Variants in NUBPL observed in about 807,000 individuals in gnomAD.
NUBPL encodes the protein iron-sulfur cluster transfer protein NUBPL.
In NUBPL, 31 loss-of-function variants were observed where a neutral mutation model predicts 45.7. That is an observed-to-expected ratio of 0.68 (90% confidence interval 0.51 to 0.92). The LOEUF (loss-of-function observed/expected upper bound fraction) is 0.92. NUBPL is among the 40% of genes least tolerant of loss of function. NUBPL has a pLI of 0.00. For missense variants in NUBPL, 401 were observed against 398.7 expected, an observed-to-expected ratio of 1.01 and a Z score of -0.05; for synonymous variants, 144 against 140.9, an observed-to-expected ratio of 1.02 and a Z score of -0.15.
At chr14:31,659,585 A>T (rs1022435119) in intron 4 of NUBPL, among the ~76,000 whole-genome samples, 1 of 152,192 alleles carries the variant, frequency 6.6e-6, no homozygotes, top group African/African-American at 2.4e-5. Flanking sequence ...TTTCTAATAT[A>T]AGATGGCAAG....
rs1407146865 is a variant in NUBPL, at chr14:31,757,225, T to G, written c.514-30555T>G. On this transcript the variant is annotated intron_variant, in intron 6 of 10. Transcript: ENST00000281081. ...ATGATGCTGGCCTCATAAAATGAGT[T>G]AGGGAGGATTCCCTCTTTTTCTGTT... Among the ~76,000 whole-genome samples, 4 of 128,652 alleles carry G rather than the reference T, an allele frequency of 3.1e-5. 1 individual carries two copies. In the East Asian group the frequency reaches 1.1e-3, roughly 34 times the overall value. The allele number at this position is 128,652 out of a possible 152,430, so 84.4% of individuals were successfully genotyped here.
At chr14:31,815,257 C>T (rs2039892736) in intron 7 of NUBPL, among the ~76,000 whole-genome samples, 1 of 152,000 alleles carries the variant, frequency 6.6e-6, no homozygotes, top group African/African-American at 2.4e-5. Flanking sequence ...TCCTTCACAT[C>T]CCTTGTAAAT....
chr14:31,753,336 A>G (rs144180822), intron 6 of NUBPL, among the ~76,000 whole-genome samples: 4,569 of 152,122 alleles, frequency 0.03, 97 homozygotes, highest in Non-Finnish European at 0.049. Flanking sequence ...CTGTTGATCA[A>G]AGAAATGGGG....
chr14:31,733,186 G>A (rs756775525), intron 6 of NUBPL, among the ~76,000 whole-genome samples: 3 of 152,092 alleles, frequency 2.0e-5, no homozygotes, highest in African/African-American at 7.2e-5. Flanking sequence ...TATATAGATA[G>A]GTAGGTAGGT....
intron 6 of NUBPL, among the ~76,000 whole-genome samples, chr14:31,755,605 G>T (rs1162228193): frequency 2.0e-5 from 3 of 151,560 alleles, no homozygotes; most frequent in Middle Eastern, 3.2e-3. Context: ...TTAGCCCTTT[G>T]TCAGATGAGT....
chr14:31,860,975 A>G lies in NUBPL; in HGVS notation c.*1795A>G. 1 of 152,208 alleles carries G rather than the reference A, an allele frequency of 6.6e-6. No homozygotes were observed. The highest frequency in any genetic ancestry group is 1.5e-5 in the Non-Finnish European group (1 of 68,030). The allele number at this position is 152,208 out of a possible 1,614,324, so 9.4% of individuals were successfully genotyped here. A position where few individuals can be genotyped will look rare whatever the true frequency, so the allele number is the denominator to read the frequency against. On this transcript the variant is annotated 3_prime_UTR_variant, in exon 11 of 11. Coordinates refer to ENST00000281081, the MANE Select transcript of NUBPL (RefSeq NM_025152.3). ...AGAACAGATTAGTGGTGGCTGTGTT[A>G]AGGAGGGGGTGAGGATGGGAGAGAA...
intron 4 of NUBPL, among the ~76,000 whole-genome samples, chr14:31,608,635 C>G (rs184797214): frequency 6.6e-6 from 1 of 152,066 alleles, no homozygotes; most frequent in Non-Finnish European, 1.5e-5. Context: ...AAAACTCACT[C>G]GTAATAGTAA....
At chr14:31,804,260 A>G (rs1262187825) in intron 7 of NUBPL, among the ~76,000 whole-genome samples, 4 of 152,234 alleles carry the variant, frequency 2.6e-5, no homozygotes, top group Non-Finnish European at 5.9e-5. Flanking sequence ...TGAACAGAAT[A>G]TTTATATTGT....
intron 4 of NUBPL, among the ~76,000 whole-genome samples, chr14:31,666,263 A>ATATATATATATATATAT: frequency 6.3e-5 from 7 of 111,868 alleles, no homozygotes; most frequent in Non-Finnish European, 1.1e-4. Context: ...ATATATATAT[A>ATATATATATATATATAT]ATTTTATTTT....
chr14:31,782,713 G>A (rs966759965), intron 6 of NUBPL, among the ~76,000 whole-genome samples: 4 of 151,818 alleles, frequency 2.6e-5, no homozygotes, highest in East Asian at 3.9e-4. Flanking sequence ...TTTGAACCTG[G>A]GAGACGAGGT....
intron 6 of NUBPL, among the ~76,000 whole-genome samples, chr14:31,753,138 G>A (rs1203722849): frequency 6.6e-6 from 1 of 152,202 alleles, no homozygotes; most frequent in Non-Finnish European, 1.5e-5. Flanking sequence ...GTAGCCTAGT[G>A]GTTTATGGAA....
chr14:31,604,945 G>C (rs189380147), intron 4 of NUBPL, among the ~76,000 whole-genome samples: 1 of 152,152 alleles, frequency 6.6e-6, no homozygotes, highest in Admixed American at 6.5e-5. Flanking sequence ...TAGCCAGTTT[G>C]TAGAAAGGGC....
At chr14:31,755,650 C>T (rs1290161955) in intron 6 of NUBPL, among the ~76,000 whole-genome samples, 2 of 152,026 alleles carry the variant, frequency 1.3e-5, no homozygotes, top group African/African-American at 4.8e-5. Context: ...TTGTAGGTTG[C>T]CTGTTCACTC....
intron 3 of NUBPL, among the ~76,000 whole-genome samples, chr14:31,581,295 G>A (rs2033857781): frequency 6.8e-6 from 1 of 147,570 alleles, no homozygotes; most frequent in Non-Finnish European, 1.5e-5. Flanking sequence ...GTGGCCTTAA[G>A]TACATTAACG....
chr14:31,636,812 G>A (rs938909703), intron 4 of NUBPL, among the ~76,000 whole-genome samples: 1 of 152,162 alleles, frequency 6.6e-6, no homozygotes, highest in Non-Finnish European at 1.5e-5. Flanking sequence ...TCCTGGTTTA[G>A]TCTTGGGAGA....
At chr14:31,760,771 A>T (rs78656949) in intron 6 of NUBPL, among the ~76,000 whole-genome samples, 17 of 152,174 alleles carry the variant, frequency 1.1e-4, no homozygotes, top group Admixed American at 1.0e-3. Flanking sequence ...TTGATTAAAA[A>T]ATTACAGTTT....
intron 7 of NUBPL, among the ~76,000 whole-genome samples, chr14:31,802,805 CCCTG>C (rs2039618238): frequency 6.6e-6 from 1 of 152,134 alleles, no homozygotes; most frequent in Non-Finnish European, 1.5e-5. Flanking sequence ...CCTATCTGGG[CCCTG>C]CTGATAGAAG....
chr14:31,762,195 T>C (rs913989059), intron 6 of NUBPL, among the ~76,000 whole-genome samples: 2 of 152,202 alleles, frequency 1.3e-5, no homozygotes, highest in African/African-American at 4.8e-5. Flanking sequence ...TGTTGTAACT[T>C]GAGTATTGTG....
At chr14:31,753,496 C>G (rs1031063307) in intron 6 of NUBPL, among the ~76,000 whole-genome samples, 3 of 152,026 alleles carry the variant, frequency 2.0e-5, no homozygotes, top group Non-Finnish European at 4.4e-5. Context: ...TCCCATGGGT[C>G]TAGCTGAAGT....
Sources: gnomAD v4.1 joint callset for allele counts (sites outside exome capture counted in the v4.1 genomes callset) on GRCh38, gnomAD v4.1.1 for gene constraint, MANE v1.5 for transcripts, NCBI Gene and HGNC (gene_info 2026-07-23, HGNC 2026-07-21) for gene names.